The following KANK1 variants were observed in gnomAD, a reference collection of about 807,000 sequenced individuals.
The protein encoded by KANK1 is KN motif and ankyrin repeat domain-containing protein 1.
A neutral mutation model predicts 106.2 loss-of-function variants in KANK1; 109 were observed. The observed-to-expected ratio is 1.03, with a 90% CI of 0.88 to 1.20. The LOEUF (loss-of-function observed/expected upper bound fraction) is 1.20, where lower values mean the gene tolerates loss of function less well. KANK1 is among the 50% of genes most tolerant of loss of function. KANK1 has a pLI of 0.00. For missense variants in KANK1, 2,399 were observed against 1,710.7 expected, an observed-to-expected ratio of 1.40 and a Z score of -7.10; for synonymous variants, 873 against 652.2, an observed-to-expected ratio of 1.34 and a Z score of -5.16.
chr9:631,983 A>C (rs959511810), intron 1 of KANK1, among the ~76,000 whole-genome samples: 1 of 152,200 alleles, frequency 6.6e-6, no homozygotes, highest in African/African-American at 2.4e-5. Context: ...ACAGTATGCC[A>C]TGATAACTTC....
chr9:660,847 A>G (rs78921568), intron 1 of KANK1, among the ~76,000 whole-genome samples: 1 of 152,192 alleles, frequency 6.6e-6, no homozygotes, highest in Admixed American at 6.5e-5. Context: ...CCCCTTCCCA[A>G]TAGCGAGGTG....
chr9:564,271 C>G (rs1030506761), intron 1 of KANK1, among the ~76,000 whole-genome samples: 4 of 151,906 alleles, frequency 2.6e-5, no homozygotes, highest in African/African-American at 9.7e-5. Flanking sequence ...CTGTGTTAGC[C>G]AGGATGGTCT....
At chr9:691,036 A>G (rs980732884) in intron 2 of KANK1, among the ~76,000 whole-genome samples, 1 of 152,194 alleles carries the variant, frequency 6.6e-6, no homozygotes, top group Non-Finnish European at 1.5e-5. Flanking sequence ...TTCTCTCTTC[A>G]GTGGGAACCT....
intron 1 of KANK1, among the ~76,000 whole-genome samples, chr9:590,874 C>T (rs1824700390): frequency 6.6e-6 from 1 of 151,768 alleles, no homozygotes; most frequent in South Asian, 2.1e-4. Context: ...GAATTATTTT[C>T]TTATAAAATT....
intron 1 of KANK1, among the ~76,000 whole-genome samples, chr9:572,212 G>A (rs1046286502): frequency 2.8e-5 from 4 of 142,086 alleles, no homozygotes; most frequent in Non-Finnish European, 6.0e-5. Context: ...CTTGAGTGCA[G>A]TGGAGAAATT....
chr9:575,259 T>G (rs1043865487), intron 1 of KANK1, among the ~76,000 whole-genome samples: 1 of 152,372 alleles, frequency 6.6e-6, no homozygotes, highest in East Asian at 1.9e-4. Flanking sequence ...GCTCCACTTA[T>G]ATCTGTAAAG....
intron 11 of KANK1, chr9:744,805 G>C: frequency 6.9e-7 from 1 of 1,446,346 alleles, no homozygotes; most frequent in African/African-American, 1.4e-5. Flanking sequence ...GTCCTTGCAA[G>C]ACATATGCTC....
intron 1 of KANK1, among the ~76,000 whole-genome samples, chr9:598,798 T>A (rs530397393): frequency 1.3e-5 from 2 of 148,554 alleles, no homozygotes; most frequent in African/African-American, 2.5e-5. Flanking sequence ...GCCCAGCTAA[T>A]TTTTTGTATT....
intron 1 of KANK1, among the ~76,000 whole-genome samples, chr9:510,498 C>T (rs1176928571): frequency 6.6e-6 from 1 of 152,182 alleles, no homozygotes; most frequent in African/African-American, 2.4e-5. Flanking sequence ...TTAGGAGCTG[C>T]TTCCCCCAAA....
At chr9:544,772 C>T (rs2060830035) in intron 1 of KANK1, among the ~76,000 whole-genome samples, 1 of 143,724 alleles carries the variant, frequency 7.0e-6, no homozygotes, top group Admixed American at 7.1e-5. Context: ...GGGGGAGCAT[C>T]CTGTGTTTAG....
chr9:691,410 A>G (rs931453771), intron 2 of KANK1, among the ~76,000 whole-genome samples: 5 of 149,970 alleles, frequency 3.3e-5, no homozygotes, highest in African/African-American at 4.9e-5. Flanking sequence ...GTGTGTATAT[A>G]TATATATATT....
At chr9:588,995 C>T (rs944386288) in intron 1 of KANK1, among the ~76,000 whole-genome samples, 4 of 152,058 alleles carry the variant, frequency 2.6e-5, no homozygotes, top group African/African-American at 9.7e-5. Flanking sequence ...ACAGTAGAAA[C>T]TAAAGTGCTG....
chr9:534,349 C>G (rs544687711), intron 1 of KANK1, among the ~76,000 whole-genome samples: 1 of 152,228 alleles, frequency 6.6e-6, no homozygotes, highest in African/African-American at 2.4e-5. Context: ...GCTTTGGTCT[C>G]AAAAATTTGT....
At chr9:620,024 C>T (rs571949671) in intron 1 of KANK1, among the ~76,000 whole-genome samples, 2 of 152,172 alleles carry the variant, frequency 1.3e-5, no homozygotes, top group East Asian at 1.9e-4. Flanking sequence ...GTAATCCCAG[C>T]TGCTAGGGAG....
chr9:504,873 G>T (rs1224151032), intron 1 of KANK1, 119 bp downstream of exon 1: 1 of 145,936 alleles, frequency 6.9e-6, no homozygotes, highest in African/African-American at 2.5e-5. Context: ...CGCGCGCCGG[G>T]GTTGCGCGGC....
chr9:737,625 G>C (rs2132040179), intron 7 of KANK1, among the ~76,000 whole-genome samples: 1 of 152,294 alleles, frequency 6.6e-6, no homozygotes. Flanking sequence ...AATGAAATTA[G>C]TTCCAGACGG....
intron 1 of KANK1, among the ~76,000 whole-genome samples, chr9:595,424 C>T (rs1461466258): frequency 6.6e-6 from 1 of 151,886 alleles, no homozygotes; most frequent in Non-Finnish European, 1.5e-5. Flanking sequence ...CAAACTTGAG[C>T]GTTGCAATCA....
At chr9:513,784 G>A (rs2059135614) in intron 1 of KANK1, among the ~76,000 whole-genome samples, 1 of 152,156 alleles carries the variant, frequency 6.6e-6, no homozygotes, top group Non-Finnish European at 1.5e-5. Context: ...GGGAGGCCGA[G>A]GCAGGCAGAT....
At chr9:572,150 A>AT (rs35843652) in intron 1 of KANK1, among the ~76,000 whole-genome samples, 6,543 of 111,252 alleles carry the variant, frequency 0.059, 515 homozygotes, top group African/African-American at 0.18. Context: ...ATAAACAGTG[A>AT]TTTTTTTTTT....
Sources: allele counts gnomAD v4.1 joint callset (sites outside exome capture counted in the v4.1 genomes callset), GRCh38; gene constraint gnomAD v4.1.1; transcripts MANE v1.5; gene names NCBI Gene and HGNC (gene_info 2026-07-23, HGNC 2026-07-21).